EIF2B3: variants seen among roughly 807,000 people sequenced by gnomAD.
The protein encoded by EIF2B3 is eukaryotic translation initiation factor 2B subunit gamma.
A neutral mutation model predicts 54.1 loss-of-function variants in EIF2B3; 20 were observed. The observed-to-expected ratio is 0.37, with a 90% CI of 0.26 to 0.54. EIF2B3 has a LOEUF of 0.54. EIF2B3 is among the 20% of genes least tolerant of loss of function. The pLI is 0.86. For synonymous variants in EIF2B3, 153 were observed against 188.1 expected (o/e 0.81, Z 1.52); for missense variants, 448 against 547.8 (o/e 0.82, Z 1.82).
intron 11 of EIF2B3, among the ~76,000 whole-genome samples, chr1:44,856,199 T>C (rs954378945): frequency 2.0e-5 from 3 of 152,120 alleles, no homozygotes; most frequent in Admixed American, 2.0e-4. Context: ...AAGGTAGCTA[T>C]TATTGTCCCA....
chr1:44,891,591 G>T (rs1233400912), intron 6 of EIF2B3, among the ~76,000 whole-genome samples: 3 of 152,160 alleles, frequency 2.0e-5, no homozygotes, highest in Admixed American at 6.5e-5. Flanking sequence ...GGTGGGGTAG[G>T]GGGATAGAAT....
intron 5 of EIF2B3, among the ~76,000 whole-genome samples, chr1:44,919,297 C>T (rs1643689286): frequency 6.6e-6 from 1 of 151,078 alleles, no homozygotes; most frequent in East Asian, 1.9e-4. Flanking sequence ...TTGCAGTGAG[C>T]TGAGATCACG....
At chr1:44,961,161 C>T (rs1021630168) in intron 3 of EIF2B3, among the ~76,000 whole-genome samples, 1 of 151,054 alleles carries the variant, frequency 6.6e-6, no homozygotes, top group African/African-American at 2.4e-5. Flanking sequence ...CAAAGCAAGA[C>T]CCCCTTTCTA....
chr1:44,884,826 G>A (rs1655522885), intron 6 of EIF2B3, among the ~76,000 whole-genome samples: 1 of 152,288 alleles, frequency 6.6e-6, no homozygotes, highest in Admixed American at 6.5e-5. Context: ...AAGCAGACGA[G>A]CCTTGGCACA....
chr1:44,897,343 C>A lies in EIF2B3; in HGVS notation c.656+12G>T. On this transcript the variant is annotated intron_variant, in intron 6 of 11. Coordinates refer to ENST00000360403, the MANE Select transcript of EIF2B3 (RefSeq NM_020365.5). Reference sequence around the variant, plus strand: ...AGTACTGTAGGTTTGACTCTACCACCCTTTTTCTTACCCATTTTCCATTAG... The same window carrying A: ...AGTACTGTAGGTTTGACTCTACCACACTTTTTCTTACCCATTTTCCATTAG... The A allele has an allele frequency of 1.2e-6, 2 of 1,603,612 alleles. No homozygotes were observed. The highest frequency in any genetic ancestry group is 1.7e-5 in the Admixed American group (1 of 59,884).
intron 2 of EIF2B3, among the ~76,000 whole-genome samples, chr1:44,980,409 G>A (rs1057087828): frequency 6.6e-6 from 1 of 152,064 alleles, no homozygotes; most frequent in Non-Finnish European, 1.5e-5. Context: ...GAACCCTGGC[G>A]GAGGTTGTAG....
chr1:44,909,640 A>G (rs1032656052), intron 5 of EIF2B3, among the ~76,000 whole-genome samples: 1 of 152,234 alleles, frequency 6.6e-6, no homozygotes, highest in Non-Finnish European at 1.5e-5. Flanking sequence ...TTACAGCCAT[A>G]TCATTTTATA....
At chr1:44,959,397 C>T in intron 3 of EIF2B3, 1 of 522,696 alleles carries the variant, frequency 1.9e-6, no homozygotes, top group South Asian at 2.0e-5. Flanking sequence ...AGAATTTGAG[C>T]CAGGCATGGT....
At chr1:44,912,555 T>C (rs911369886) in intron 5 of EIF2B3, among the ~76,000 whole-genome samples, 4 of 152,186 alleles carry the variant, frequency 2.6e-5, no homozygotes, top group Non-Finnish European at 5.9e-5. Context: ...CAGGTCAAAC[T>C]GTCCTTCCCC....
intron 4 of EIF2B3, among the ~76,000 whole-genome samples, chr1:44,934,071 A>C (rs1284193382): frequency 2.6e-5 from 4 of 151,208 alleles, no homozygotes; most frequent in African/African-American, 9.7e-5. Context: ...GCGGTGAGCC[A>C]AGATCGTGCC....
intron 3 of EIF2B3, among the ~76,000 whole-genome samples, chr1:44,955,015 G>C (rs1244973555): frequency 6.6e-6 from 1 of 152,302 alleles, no homozygotes; most frequent in South Asian, 2.1e-4. Flanking sequence ...TTATGTGACA[G>C]ATTATGTTTA....
At chr1:44,926,601 G>T (rs1643853874) in intron 5 of EIF2B3, 27 bp downstream of exon 5, 28 of 1,575,998 alleles carry the variant, frequency 1.8e-5, no homozygotes, top group Non-Finnish European at 2.3e-5. Context: ...AAGGAGAATT[G>T]CCAGAAGAAA....
intron 5 of EIF2B3, among the ~76,000 whole-genome samples, chr1:44,911,261 C>T (rs1207508950): frequency 6.6e-6 from 1 of 152,110 alleles, no homozygotes; most frequent in South Asian, 2.1e-4. Flanking sequence ...ATTTATCCAG[C>T]CTGCAACCCT....
In EIF2B3 at chr1:44,881,297, G is replaced by A. The variant is rs1381209930; in HGVS notation, c.784+315C>T. Among the ~76,000 whole-genome samples the A allele has an allele frequency of 6.6e-6, 1 of 152,212 alleles. No individual in the cohort carries two copies. The highest frequency in any genetic ancestry group is 1.5e-5 in the Non-Finnish European group (1 of 68,038). ...GGAACGGGGCTGCCTAGAGCCTAGA[G>A]AACAGGGGAACTAAGAAGTGGCAGG... On this transcript the variant is annotated intron_variant, in intron 7 of 11. Transcript: ENST00000360403. The surrounding 1 kb of genome is among the most constrained non-coding windows in gnomAD (Gnocchi z 4.0).
Position 44,874,698 on chromosome 1 carries a change from G to A in EIF2B3, c.1182C>T (p.Asn394=). 1 of 1,614,158 alleles carries A rather than the reference G, an allele frequency of 6.2e-7. No homozygotes were observed. The change falls in exon 10 of 12, where the codon AAC becomes AAT. Residue 394 remains asparagine, a synonymous_variant. Transcript: ENST00000360403. ...RVTITNCLLM[N]SVTVEEGSNI... is the part of the protein sequence containing the mutation. ...CATACCCTTCCTCCACAGTGACTGAGTTCATGAGAAGGCAATTGGTAATAG... is the reference window on the plus strand; with the variant it reads ...CATACCCTTCCTCCACAGTGACTGAATTCATGAGAAGGCAATTGGTAATAG...
At position 44,975,740 on chromosome 1, in the gene EIF2B3, G is replaced by A. The variant is rs143552021; in HGVS notation, c.294+2575C>T. On this transcript the variant is annotated intron_variant, in intron 3 of 11. Coordinates refer to ENST00000360403, the MANE Select transcript of EIF2B3 (RefSeq NM_020365.5). ...AATCCCAGCACTTTGGGAGGCCAAGGTGGGTAGGTCACTTGAACCTGGGAG... is the reference window on the plus strand; with the variant it reads ...AATCCCAGCACTTTGGGAGGCCAAGATGGGTAGGTCACTTGAACCTGGGAG... 2.0e-3 allele frequency among the ~76,000 whole-genome samples: 301 copies of A among 152,310 alleles called. 3 individuals are homozygous for A. The highest frequency in any genetic ancestry group is 6.6e-3 in the African/African-American group (273 of 41,568).
chr1:44,983,984 AG>A (rs1263156868), intron 1 of EIF2B3, among the ~76,000 whole-genome samples: 18 of 151,926 alleles, frequency 1.2e-4, no homozygotes, highest in Admixed American at 8.5e-4. Context: ...CTGGGATTTC[AG>A]GCATGAGCCA....
intron 3 of EIF2B3, among the ~76,000 whole-genome samples, chr1:44,964,114 C>T (rs1644312542): frequency 7.1e-6 from 1 of 140,386 alleles, no homozygotes; most frequent in Non-Finnish European, 1.5e-5. Context: ...AGAAAAGCTC[C>T]ATTGAGATTT....
chr1:44,869,044 T>C (rs540703069), intron 10 of EIF2B3, among the ~76,000 whole-genome samples: 1 of 152,292 alleles, frequency 6.6e-6, no homozygotes, highest in South Asian at 2.1e-4. Context: ...CAAAAGGTTT[T>C]TAATAGAACA....
Sources: gnomAD v4.1 joint callset for allele counts (sites outside exome capture counted in the v4.1 genomes callset) on GRCh38, gnomAD v4.1.1 for gene constraint, Gnocchi (gnomAD v3.1) non-coding constraint, MANE v1.5 for transcripts, NCBI Gene and HGNC (gene_info 2026-07-23, HGNC 2026-07-21) for gene names.